Variants in EED observed in about 807,000 individuals in gnomAD.
The protein encoded by EED is embryonic ectoderm development.
A neutral mutation model predicts 61.0 loss-of-function variants in EED; 9 were observed. The ratio of observed to expected loss-of-function variants is 0.15; its 90% CI spans 0.09 to 0.26. The LOEUF (loss-of-function observed/expected upper bound fraction) is 0.26, where lower values mean the gene tolerates loss of function less well. Ranked by LOEUF, EED falls within the 10% of genes least tolerant of loss-of-function variation. The probability of loss-of-function intolerance (pLI) is 1.00; values close to 1 mark genes in which losing one functional copy is unlikely to be tolerated. For synonymous variants in EED, 187 were observed against 174.4 expected (o/e 1.07, Z -0.57); for missense variants, 315 against 542.3 (o/e 0.58, Z 4.16).
At chr11:86,267,145 C>T (rs1014939571) in intron 8 of EED, among the ~76,000 whole-genome samples, 4 of 152,112 alleles carry the variant, frequency 2.6e-5, no homozygotes, top group Admixed American at 6.5e-5. Context: ...CAAAAAATAA[C>T]AGTTGTACTC....
At chr11:86,284,324 G>A in the EED span, 1 of 152,236 alleles carries the variant, frequency 6.6e-6, no homozygotes, top group Non-Finnish European at 1.5e-5. Context: ...CTGACACGAT[G>A]TAAACTCCCT....
chr11:86,270,783 C>T (rs906680389), intron 9 of EED, among the ~76,000 whole-genome samples: 13 of 152,120 alleles, frequency 8.5e-5, no homozygotes, highest in South Asian at 2.1e-4. Flanking sequence ...ACTATTCTTC[C>T]GCCATTGAAT....
At chr11:86,260,341 C>G (rs1760782294) in intron 6 of EED, among the ~76,000 whole-genome samples, 1 of 152,126 alleles carries the variant, frequency 6.6e-6, no homozygotes, top group South Asian at 2.1e-4. Flanking sequence ...ATGTTCCCAC[C>G]TCATCCTTCT....
intron 6 of EED, among the ~76,000 whole-genome samples, chr11:86,261,227 C>G (rs1288727320): frequency 1.3e-5 from 2 of 152,186 alleles, no homozygotes; most frequent in Non-Finnish European, 2.9e-5. Flanking sequence ...ATAGGATAGA[C>G]AGTCCCTTCC....
In EED at chr11:86,264,276, C is replaced by A; in HGVS notation, c.726+13C>A. On this transcript the variant is annotated intron_variant, in intron 7 of 11. Transcript: ENST00000263360. ...AGTTCTAAGTGCTGTAAGTTGGAAACTGCAGGGCAATGACTTTCAGGTTTA... is the reference window on the plus strand; with the variant it reads ...AGTTCTAAGTGCTGTAAGTTGGAAAATGCAGGGCAATGACTTTCAGGTTTA... 6.3e-7 allele frequency: 1 copy of A among 1,596,456 alleles called. No individual in the cohort carries two copies. The highest frequency in any genetic ancestry group is 8.6e-7 in the Non-Finnish European group (1 of 1,164,078).
chr11:86,261,823 A>C (rs1945837031), intron 6 of EED, among the ~76,000 whole-genome samples: 1 of 152,188 alleles, frequency 6.6e-6, no homozygotes. Flanking sequence ...GGGGGAGCAA[A>C]GTGCTGAAGT....
chr11:86,270,937 T>C (rs1427039324), intron 9 of EED, among the ~76,000 whole-genome samples: 1 of 152,230 alleles, frequency 6.6e-6, no homozygotes, highest in Non-Finnish European at 1.5e-5. Context: ...TAATTATTCT[T>C]GGAATCTGAT....
the EED span, among the ~76,000 whole-genome samples, chr11:86,287,301 A>G: frequency 6.6e-6 from 1 of 152,162 alleles, no homozygotes; most frequent in Non-Finnish European, 1.5e-5. Flanking sequence ...TTAACCAGAG[A>G]CCACAGTCTG....
the EED span, among the ~76,000 whole-genome samples, chr11:86,287,000 A>C: frequency 2.8e-4 from 42 of 149,484 alleles, no homozygotes; most frequent in Non-Finnish European, 1.9e-4. Context: ...AAAAAGAAAT[A>C]GACTATACAT....
At chr11:86,257,775 C>T (rs1279354094) in intron 6 of EED, among the ~76,000 whole-genome samples, 179 bp downstream of exon 6, 3 of 152,216 alleles carry the variant, frequency 2.0e-5, no homozygotes, top group Admixed American at 2.0e-4. Flanking sequence ...AAGGCCATCA[C>T]AGCCTTACAC....
chr11:86,273,409 A>C (rs1399781111), intron 9 of EED, among the ~76,000 whole-genome samples: 1 of 152,226 alleles, frequency 6.6e-6, no homozygotes, highest in Non-Finnish European at 1.5e-5. Context: ...GAACCATATC[A>C]GTTTTTTTGT....
At chr11:86,273,811 T>TA (rs1305547429) in intron 9 of EED, among the ~76,000 whole-genome samples, 2 of 152,254 alleles carry the variant, frequency 1.3e-5, no homozygotes, top group African/African-American at 2.4e-5. Flanking sequence ...CTTTCTGTCT[T>TA]ACTGCTTTCA....
At chr11:86,266,258 A>G (rs755834675) in intron 8 of EED, 42 bp downstream of exon 8, 4 of 1,515,748 alleles carry the variant, frequency 2.6e-6, no homozygotes, top group Non-Finnish European at 1.8e-6. Flanking sequence ...ATGTTGTGCT[A>G]TTGAATATAA....
intron 9 of EED, among the ~76,000 whole-genome samples, chr11:86,273,052 C>G (rs1177932230): frequency 6.6e-6 from 1 of 152,056 alleles, no homozygotes; most frequent in Non-Finnish European, 1.5e-5. Flanking sequence ...GAAATAAAAT[C>G]TCACTCAGTC....
At chr11:86,258,450 A>T (rs1394752430) in intron 6 of EED, among the ~76,000 whole-genome samples, 1 of 152,118 alleles carries the variant, frequency 6.6e-6, no homozygotes, top group Non-Finnish European at 1.5e-5. Context: ...TTGTCTCTTG[A>T]TAACACTAAT....
the EED span, among the ~76,000 whole-genome samples, chr11:86,285,851 A>G: frequency 7.9e-5 from 12 of 152,094 alleles, no homozygotes; most frequent in Non-Finnish European, 1.8e-4. Context: ...AACCTGCCTC[A>G]GCCTCCCAAG....
intron 9 of EED, among the ~76,000 whole-genome samples, chr11:86,270,686 T>C (rs547928549): frequency 6.6e-6 from 1 of 152,354 alleles, no homozygotes; most frequent in East Asian, 1.9e-4. Context: ...CATTTTGAGT[T>C]GATTTCCTTA....
chr11:86,250,499 T>C, intron 2 of EED, 51 bp downstream of exon 2: 3 of 1,458,268 alleles, frequency 2.1e-6, no homozygotes, highest in Non-Finnish European at 1.8e-6. Context: ...TCAGAAATTA[T>C]TTCTCTGTGG....
chr11:86,254,242 G>T (rs1035327578), intron 3 of EED, among the ~76,000 whole-genome samples: 44 of 151,202 alleles, frequency 2.9e-4, no homozygotes, highest in Non-Finnish European at 5.2e-4. Flanking sequence ...GCAAATTGTA[G>T]ACTTTTAAAT....
Sources: allele counts gnomAD v4.1 joint callset (sites outside exome capture counted in the v4.1 genomes callset), GRCh38; gene constraint gnomAD v4.1.1; transcripts MANE v1.5; gene names NCBI Gene and HGNC (gene_info 2026-07-23, HGNC 2026-07-21).